Variants in DYNC2I2 observed in about 807,000 individuals in gnomAD.
DYNC2I2 encodes cytoplasmic dynein 2 intermediate chain 2.
In DYNC2I2, 39 loss-of-function variants were observed where a neutral mutation model predicts 52.0. The ratio of observed to expected loss-of-function variants is 0.75; its 90% confidence interval spans 0.58 to 0.98. The LOEUF (loss-of-function observed/expected upper bound fraction) is 0.98. Among genes scored for constraint, DYNC2I2 ranks in the 50% least tolerant of loss-of-function variants. The pLI, the probability that DYNC2I2 is intolerant of heterozygous loss-of-function variation, is 0.00. For synonymous variants in DYNC2I2, 359 were observed against 321.1 expected, an observed-to-expected ratio of 1.12 and a Z score of -1.26; for missense variants, 743 against 728.4, an observed-to-expected ratio of 1.02 and a Z score of -0.23.
At chr9:128,636,472 C>T in intron 3 of DYNC2I2, 34 bp from the exon 4 acceptor site, 3 of 1,568,760 alleles carry the variant, frequency 1.9e-6, no homozygotes, top group Non-Finnish European at 2.6e-6. Context: ...GGCTGTGCCC[C>T]TGGGTGGGGC....
At position 128,633,947 on chromosome 9, in the gene DYNC2I2, G is replaced by A; in HGVS notation, c.1408C>T (p.Gln470Ter). 1 of 1,613,098 alleles carries A rather than the reference G, an allele frequency of 6.2e-7. No homozygotes were observed. The highest frequency in any genetic ancestry group is 8.5e-7 in the Non-Finnish European group (1 of 1,180,030). Residue 470 changes from glutamine (Q) to a stop codon, truncating the protein, a stop_gained, in exon 9 of 9, where the codon CAG becomes TAG. Coordinates refer to ENST00000372715, the MANE Select transcript of DYNC2I2 (RefSeq NM_052844.4). LOFTEE classifies it high-confidence loss of function. ...TGCTTGATCAAAACTGTGGGTTTCT[G>A]GGAGCTTTTCTGGAGATCAAACAGC... Reference protein sequence around the residue: ...VQLFDLQKSSQKPTVLIKQTQ... With the variant: ...VQLFDLQKSS
At chr9:128,672,868 CA>C in the DYNC2I2 span, among the ~76,000 whole-genome samples, 10 of 152,120 alleles carry the variant, frequency 6.6e-5, no homozygotes, top group African/African-American at 2.4e-4. Flanking sequence ...ACTAAAAATA[CA>C]AAAAACTGGT....
intron 7 of DYNC2I2, 89 bp from the exon 8 acceptor site, chr9:128,634,472 C>T (rs1564338050): frequency 4.0e-6 from 6 of 1,491,446 alleles, no homozygotes; most frequent in Non-Finnish European, 5.4e-6. Flanking sequence ...CCTGGGCTGC[C>T]AGGCTCGTGA....
rs930554182 is a variant in DYNC2I2 at position 128,635,430 on chromosome 9, A to T, written c.814-171T>A. 3.2e-5 allele frequency: 28 copies of T among 881,972 alleles called. No individual in the cohort carries two copies. The African/African-American group carries it at 4.2e-4, about 13-fold the overall frequency. 54.6% of individuals were successfully genotyped at this position (881,972 alleles called of 1,614,324 possible). A position where few individuals can be genotyped will look rare whatever the true frequency, so the allele number is the denominator to read the frequency against. On this transcript the variant is annotated intron_variant, in intron 5 of 8. Coordinates refer to ENST00000372715, the MANE Select transcript of DYNC2I2 (RefSeq NM_052844.4). ...CTGGAGGGTTCCCAGGGCCCTCTCC[A>T]GTCCCAGAATCCCAGCGCTGCTCAC...
chr9:128,678,458 T>TC, the DYNC2I2 span, among the ~76,000 whole-genome samples: 1 of 120,678 alleles, frequency 8.3e-6, no homozygotes, highest in Non-Finnish European at 1.7e-5. Flanking sequence ...ATTTTTTTTT[T>TC]TTTTTTTTTT....
upstream of DYNC2I2, chr9:128,656,896 G>T: frequency 1.4e-6 from 1 of 703,168 alleles, no homozygotes; most frequent in Non-Finnish European, 2.1e-6. Flanking sequence ...CTCGGCCAGA[G>T]AGAGAAGCAT....
intron 1 of DYNC2I2, among the ~76,000 whole-genome samples, chr9:128,648,280 G>A (rs910276239): frequency 4.0e-5 from 6 of 151,846 alleles, no homozygotes; most frequent in African/African-American, 7.3e-5. Context: ...GGTGGCACAC[G>A]CCTGTAACTC....
At chr9:128,635,539 C>T (rs1227192032) in intron 5 of DYNC2I2, 119 bp downstream of exon 5, 26 of 975,388 alleles carry the variant, frequency 2.7e-5, no homozygotes, top group Non-Finnish European at 3.7e-5. Context: ...GCGGGAGCTC[C>T]GAGAATGCAG....
intron 1 of DYNC2I2, chr9:128,651,976 G>A (rs1026076453): frequency 6.6e-6 from 1 of 151,236 alleles, no homozygotes; most frequent in Non-Finnish European, 1.5e-5. Flanking sequence ...TGAGCACATG[G>A]ACTGGCTACA....
chr9:128,682,317 C>T, the DYNC2I2 span, among the ~76,000 whole-genome samples: 1 of 151,660 alleles, frequency 6.6e-6, no homozygotes, highest in East Asian at 2.0e-4. Flanking sequence ...CAAAGTGCTG[C>T]GATTACAGGC....
Position 128,634,316 on chromosome 9 carries a change from A to T in DYNC2I2, c.1282T>A (p.Leu428Met). Residue 428 changes from leucine to methionine, a missense_variant, in exon 8 of 9, where the codon TTG (leucine) becomes ATG (methionine). Coordinates refer to ENST00000372715, the MANE Select transcript of DYNC2I2 (RefSeq NM_052844.4). Reference sequence around the variant, plus strand: ...TTGAGGGAGAGCTGCAGCGAAGTCAAGGGAGGGGCCTGCAGCATGGAGTAC... The same window carrying T: ...TTGAGGGAGAGCTGCAGCGAAGTCATGGGAGGGGCCTGCAGCATGGAGTAC... Reference protein sequence around the residue: ...HLYSMLQAPPLTSLQLSLKYL... With the variant: ...HLYSMLQAPPMTSLQLSLKYL... 6.2e-7 allele frequency: 1 copy of T among 1,613,482 alleles called. No homozygotes were observed. Among genetic ancestry groups the T allele is most frequent in the South Asian group, 1.1e-5 (1 of 91,050 alleles).
chr9:128,684,195 G>C, the DYNC2I2 span, among the ~76,000 whole-genome samples: 1 of 152,052 alleles, frequency 6.6e-6, no homozygotes, highest in Non-Finnish European at 1.5e-5. Context: ...GGGAGTGCAC[G>C]GGAGCTCATC....
the DYNC2I2 span, among the ~76,000 whole-genome samples, chr9:128,667,958 CTTTTTTTT>C: frequency 4.5e-4 from 24 of 52,876 alleles, no homozygotes; most frequent in Admixed American, 5.2e-3. Context: ...GTCTCGATCT[CTTTTTTTT>C]TTTTTTTTTT....
chr9:128,678,619 G>A, the DYNC2I2 span, among the ~76,000 whole-genome samples: 3 of 150,642 alleles, frequency 2.0e-5, no homozygotes, highest in Non-Finnish European at 4.4e-5. Flanking sequence ...CCACCACCAC[G>A]CCCGCTTAAT....
At chr9:128,665,769 CAAAAA>C in the DYNC2I2 span, among the ~76,000 whole-genome samples, 2 of 72,170 alleles carry the variant, frequency 2.8e-5, no homozygotes, top group Admixed American at 1.7e-4. Flanking sequence ...GACTCTGTGT[CAAAAA>C]AAAAAAAAAA....
At chr9:128,649,705 A>AAAAAAAAAAAAAAC (rs1564344280) in intron 1 of DYNC2I2, among the ~76,000 whole-genome samples, 20 of 143,542 alleles carry the variant, frequency 1.4e-4, no homozygotes, top group African/African-American at 5.2e-4. Context: ...AAAAAAAAAA[A>AAAAAAAAAAAAAAC]AAAACTGGGC....
chr9:128,675,230 T>C, the DYNC2I2 span, among the ~76,000 whole-genome samples: 1 of 152,022 alleles, frequency 6.6e-6, no homozygotes, highest in Non-Finnish European at 1.5e-5. Context: ...CAGGGTGGAG[T>C]GCAGTGGCGC....
chr9:128,680,925 C>T, the DYNC2I2 span, among the ~76,000 whole-genome samples: 1 of 152,164 alleles, frequency 6.6e-6, no homozygotes, highest in African/African-American at 2.4e-5. Context: ...ATTTGCCCAC[C>T]TTGGCCTCCC....
the DYNC2I2 span, among the ~76,000 whole-genome samples, chr9:128,669,765 G>T: frequency 6.6e-6 from 1 of 152,106 alleles, no homozygotes; most frequent in Non-Finnish European, 1.5e-5. Flanking sequence ...TGCAACCTCT[G>T]CCCCCCAGGT....
Sources: allele counts gnomAD v4.1 joint callset (sites outside exome capture counted in the v4.1 genomes callset), GRCh38; gene constraint gnomAD v4.1.1; transcripts MANE v1.5; gene names NCBI Gene and HGNC (gene_info 2026-07-23, HGNC 2026-07-21).